Variants in ERBB4 observed in about 807,000 individuals in gnomAD.
ERBB4 encodes receptor tyrosine-protein kinase erbB-4.
ERBB4 carries 42 observed loss-of-function variants against 158.0 expected under a neutral mutation model. The observed-to-expected ratio is 0.27, with a 90% CI of 0.21 to 0.34. The LOEUF is 0.34. Among genes scored for constraint, ERBB4 ranks in the 10% least tolerant of loss-of-function variants. ERBB4 has a pLI of 1.00. For missense variants in ERBB4, 1,333 were observed against 1,624.1 expected, an observed-to-expected ratio of 0.82 and a Z score of 3.08; for synonymous variants, 583 against 558.7, an observed-to-expected ratio of 1.04 and a Z score of -0.61.
chr2:211,481,085 T>A (rs2065071195), intron 20 of ERBB4, among the ~76,000 whole-genome samples: 1 of 152,156 alleles, frequency 6.6e-6, no homozygotes, highest in Admixed American at 6.5e-5. Context: ...TGTACATATC[T>A]TTCATTTTAA....
chr2:211,680,728 T>G (rs73988635), intron 12 of ERBB4, among the ~76,000 whole-genome samples: 1 of 152,326 alleles, frequency 6.6e-6, no homozygotes, highest in African/African-American at 2.4e-5. Context: ...AAGGCCCCTA[T>G]GGTAAACTGT....
chr2:212,498,679 A>C (rs769596579), intron 1 of ERBB4, among the ~76,000 whole-genome samples: 28 of 152,120 alleles, frequency 1.8e-4, no homozygotes, highest in Non-Finnish European at 3.8e-4. Context: ...ATTAATATTT[A>C]GACATTTTGG....
chr2:212,217,284 T>A (rs2083131255), intron 1 of ERBB4, among the ~76,000 whole-genome samples: 1 of 151,262 alleles, frequency 6.6e-6, no homozygotes, highest in Admixed American at 6.6e-5. Context: ...AAAACCAAAA[T>A]TTGTCTCCAA....
chr2:211,409,286 C>T (rs566345558), intron 25 of ERBB4, among the ~76,000 whole-genome samples: 12 of 151,880 alleles, frequency 7.9e-5, no homozygotes, highest in Non-Finnish European at 1.8e-4. Context: ...TTCATTTTTG[C>T]CTTTGTAAAA....
chr2:211,712,260 G>A (rs1330363430), intron 8 of ERBB4, 84 bp from the exon 9 acceptor site: 2 of 1,302,436 alleles, frequency 1.5e-6, no homozygotes, highest in Non-Finnish European at 2.2e-6. Flanking sequence ...TAAAATAGCA[G>A]AGTATTTTTA....
intron 6 of ERBB4, among the ~76,000 whole-genome samples, chr2:211,724,684 T>C (rs932325440): frequency 1.3e-5 from 2 of 152,172 alleles, no homozygotes; most frequent in African/African-American, 4.8e-5. Context: ...CTCATAAGTA[T>C]ATCTTCTATA....
At chr2:211,907,396 T>C (rs937416898) in intron 3 of ERBB4, among the ~76,000 whole-genome samples, 2 of 151,016 alleles carry the variant, frequency 1.3e-5, no homozygotes, top group African/African-American at 4.8e-5. Context: ...AAGTAGGCAC[T>C]GAAAAGCATG....
At chr2:212,370,033 A>C (rs1418907112) in intron 1 of ERBB4, among the ~76,000 whole-genome samples, 1 of 152,164 alleles carries the variant, frequency 6.6e-6, no homozygotes, top group African/African-American at 2.4e-5. Context: ...ATTGGTGATT[A>C]GCTGATTGAC....
At chr2:212,035,081 A>G (rs1161909771) in intron 2 of ERBB4, among the ~76,000 whole-genome samples, 2 of 152,214 alleles carry the variant, frequency 1.3e-5, no homozygotes, top group Non-Finnish European at 2.9e-5. Context: ...TAGTTTAATA[A>G]CAGAGAACAT....
intron 25 of ERBB4, among the ~76,000 whole-genome samples, chr2:211,419,415 G>A (rs190960685): frequency 6.6e-6 from 1 of 152,172 alleles, no homozygotes; most frequent in Admixed American, 6.5e-5. Context: ...GCAGCAAGTT[G>A]AAAATATTCT....
chr2:211,989,426 T>C (rs2082016262), intron 2 of ERBB4, among the ~76,000 whole-genome samples: 6 of 151,966 alleles, frequency 3.9e-5, no homozygotes, highest in Admixed American at 3.3e-4. Context: ...CCCAACACTG[T>C]TATTTAAGAT....
intron 5 of ERBB4, among the ~76,000 whole-genome samples, chr2:211,730,304 G>A (rs908300004): frequency 6.6e-6 from 1 of 151,862 alleles, no homozygotes; most frequent in Non-Finnish European, 1.5e-5. Flanking sequence ...AAAAGACAAA[G>A]AATATTCATA....
intron 1 of ERBB4, among the ~76,000 whole-genome samples, chr2:212,137,011 A>T (rs931493619): frequency 3.3e-5 from 5 of 151,986 alleles, no homozygotes; most frequent in African/African-American, 1.2e-4. Flanking sequence ...ATATATTATT[A>T]TAATTTATTT....
chr2:212,423,044 A>C (rs2091831296), intron 1 of ERBB4, among the ~76,000 whole-genome samples: 1 of 152,208 alleles, frequency 6.6e-6, no homozygotes, highest in Admixed American at 6.5e-5. Context: ...AAACCAAAAT[A>C]ATAACTTGAG....
At chr2:211,712,275 T>A in intron 8 of ERBB4, 99 bp from the exon 9 acceptor site, 1 of 1,176,660 alleles carries the variant, frequency 8.5e-7, no homozygotes, top group South Asian at 1.3e-5. Context: ...TTTTTAATTG[T>A]AACATATAAA....
intron 19 of ERBB4, among the ~76,000 whole-genome samples, chr2:211,611,766 T>C (rs554396518): frequency 1.8e-4 from 27 of 152,162 alleles, no homozygotes; most frequent in African/African-American, 6.3e-4. Context: ...AAGCAAACAG[T>C]ATCCCAAATT....
intron 1 of ERBB4, among the ~76,000 whole-genome samples, chr2:212,500,345 C>A (rs1690819105): frequency 1.3e-5 from 2 of 152,100 alleles, no homozygotes; most frequent in African/African-American, 2.4e-5. Flanking sequence ...AGATAATTGG[C>A]AGTTTTCTCT....
chr2:211,920,711 CT>C (rs59291331), intron 3 of ERBB4, among the ~76,000 whole-genome samples: 45,747 of 141,670 alleles, frequency 0.32, 7,134 homozygotes, highest in East Asian at 0.53. Context: ...AGAGCTGTGA[CT>C]TTTTTTTTTT....
At chr2:211,609,296 G>A (rs942183129) in intron 19 of ERBB4, among the ~76,000 whole-genome samples, 3 of 152,188 alleles carry the variant, frequency 2.0e-5, no homozygotes, top group East Asian at 3.9e-4. Flanking sequence ...TAGGTCATTA[G>A]ACCCACATTC....
Sources: gnomAD v4.1 joint callset for allele counts (sites outside exome capture counted in the v4.1 genomes callset) on GRCh38, gnomAD v4.1.1 for gene constraint, MANE v1.5 for transcripts, NCBI Gene and HGNC (gene_info 2026-07-23, HGNC 2026-07-21) for gene names.